YARS1: variants seen among roughly 807,000 people sequenced by gnomAD.
YARS1 encodes tyrosine--tRNA ligase, cytoplasmic.
In YARS1, 36 loss-of-function variants were observed where a neutral mutation model predicts 62.2. The observed-to-expected ratio is 0.58, with a 90% CI of 0.44 to 0.76. The LOEUF is 0.76. Among genes scored for constraint, YARS1 ranks in the 30% least tolerant of loss-of-function variants. YARS1 has a pLI of 0.00. For synonymous variants in YARS1, 234 were observed against 244.9 expected, an observed-to-expected ratio of 0.96 and a Z score of 0.42; for missense variants, 524 against 639.8, an observed-to-expected ratio of 0.82 and a Z score of 1.95.
At chr1:32,817,035 G>T in intron 1 of YARS1, 153 bp downstream of exon 1, 1 of 963,588 alleles carries the variant, frequency 1.0e-6, no homozygotes, top group South Asian at 1.3e-5. Context: ...TTGATTGACT[G>T]ACCGACCAGC....
At chr1:32,790,893 G>A (rs1392432632) in intron 6 of YARS1, 1 of 435,546 alleles carries the variant, frequency 2.3e-6, no homozygotes, top group African/African-American at 2.0e-5. Context: ...TAATAAGGCT[G>A]AATTTCATCA....
chr1:32,779,350 A>C (rs540944239), intron 12 of YARS1, 32 bp downstream of exon 12: 1 of 1,614,198 alleles, frequency 6.2e-7, no homozygotes, highest in East Asian at 2.2e-5. Context: ...CAGGCAGCCC[A>C]GCCAAGAAAG....
At chr1:32,810,534 C>T (rs954372616) in intron 3 of YARS1, 57 bp downstream of exon 3, 90 of 1,605,134 alleles carry the variant, frequency 5.6e-5, no homozygotes, top group Non-Finnish European at 7.3e-5. Context: ...ACTCCACAGG[C>T]CTGTAATTAG....
chr1:32,789,558 G>T (rs1355714216), intron 6 of YARS1, among the ~76,000 whole-genome samples: 1 of 151,030 alleles, frequency 6.6e-6, no homozygotes, highest in Non-Finnish European at 1.5e-5. Context: ...CAAACCTAAT[G>T]AATCAAAATC....
At chr1:32,791,440 C>T (rs1653409206) in intron 5 of YARS1, among the ~76,000 whole-genome samples, 186 bp from the exon 6 acceptor site, 1 of 152,150 alleles carries the variant, frequency 6.6e-6, no homozygotes, top group Non-Finnish European at 1.5e-5. Flanking sequence ...GCTTTTCTAT[C>T]AGTATTACAT....
At chr1:32,777,857 G>A (rs1235002922) in intron 12 of YARS1, among the ~76,000 whole-genome samples, 1 of 151,960 alleles carries the variant, frequency 6.6e-6, no homozygotes, top group Non-Finnish European at 1.5e-5. Context: ...ATCACTCCAA[G>A]CATAGCAAAA....
chr1:32,779,477 A>G lies in YARS1; in HGVS notation c.1381T>C (p.Ser461Pro), dbSNP rs764165024. The change falls in exon 12 of 13, where the codon TCT becomes CCT. Residue 461 changes from serine (S) to proline (P), a missense_variant. By Grantham distance (74) the Ser-to-Pro change is moderately conservative (BLOSUM62 -1). Coordinates refer to ENST00000373477, the MANE Select transcript of YARS1 (RefSeq NM_003680.4). ...QVEPLDPPAG[S>P]APGEHVFVKG... is the part of the protein sequence containing the mutation. The stretch of plus-strand genomic sequence containing the variant: ...ACAAACACGTGCTCACCAGGAGCAG[A>G]GCCTGCCGGAGGGTCCAGAGGTTCA... 1.2e-6 allele frequency: 2 copies of G among 1,614,210 alleles called. No individual in the cohort carries two copies. The highest frequency in any genetic ancestry group is 1.1e-5 in the South Asian group (1 of 91,080).
intron 5 of YARS1, among the ~76,000 whole-genome samples, chr1:32,796,477 T>G (rs1653587844): frequency 6.6e-6 from 1 of 151,882 alleles, no homozygotes; most frequent in Non-Finnish European, 1.5e-5. Flanking sequence ...CTCAAGCAAT[T>G]ATTCTGCCTC....
In YARS1 at chr1:32,779,655, G is replaced by C. The variant is rs1652989922; in HGVS notation, c.1335-132C>G. 3.4e-6 allele frequency: 4 copies of C among 1,186,340 alleles called. No homozygotes were observed. In the South Asian group the frequency reaches 5.2e-5, roughly 15 times the overall value. 73.5% of individuals were successfully genotyped at this position (1,186,340 alleles called of 1,614,324 possible). On this transcript the variant is annotated intron_variant, in intron 11 of 12. Transcript: ENST00000373477. ...GGCATCCTCAGTACCAGAGCCCCAG[G>C]AGGTCCTCTTATCTTGCTACATCCC...
intron 8 of YARS1, among the ~76,000 whole-genome samples, chr1:32,785,574 T>G (rs1653197988): frequency 6.6e-6 from 1 of 151,946 alleles, no homozygotes; most frequent in Non-Finnish European, 1.5e-5. Context: ...TCTTTTTCTT[T>G]TCTTTTCCTT....
At chr1:32,784,179 AT>A (rs774872672) in intron 8 of YARS1, among the ~76,000 whole-genome samples, 246 of 135,106 alleles carry the variant, frequency 1.8e-3, no homozygotes, top group Middle Eastern at 7.6e-3. Flanking sequence ...CAGTATTTTG[AT>A]TTTTTTTTTT....
intron 6 of YARS1, among the ~76,000 whole-genome samples, chr1:32,789,311 A>C (rs1653337495): frequency 6.6e-6 from 1 of 152,198 alleles, no homozygotes; most frequent in Admixed American, 6.6e-5. Flanking sequence ...CTAGGTTCAA[A>C]ATTGTTTTTT....
intron 5 of YARS1, among the ~76,000 whole-genome samples, chr1:32,791,695 G>A (rs944942725): frequency 5.3e-5 from 8 of 152,108 alleles, no homozygotes; most frequent in Non-Finnish European, 8.8e-5. Context: ...CCAGCTACTC[G>A]GGAGGCTGAG....
chr1:32,802,827 T>C (rs762267305), intron 4 of YARS1, among the ~76,000 whole-genome samples: 1 of 152,128 alleles, frequency 6.6e-6, no homozygotes, highest in Non-Finnish European at 1.5e-5. Context: ...CATAATTCTT[T>C]TTTGAGATGG....
chr1:32,805,708 T>C (rs942168429), intron 4 of YARS1, among the ~76,000 whole-genome samples: 2 of 152,090 alleles, frequency 1.3e-5, no homozygotes, highest in African/African-American at 4.8e-5. Flanking sequence ...ACGTCTATAA[T>C]CCCAGCACTG....
intron 5 of YARS1, among the ~76,000 whole-genome samples, chr1:32,794,477 C>A (rs1653510505): frequency 6.6e-6 from 1 of 152,168 alleles, no homozygotes; most frequent in African/African-American, 2.4e-5. Context: ...GCAATCTCTG[C>A]CTCCCAGGCT....
At chr1:32,790,514 A>AG in intron 6 of YARS1, 1 of 8,910 alleles carries the variant, frequency 1.1e-4, no homozygotes, top group Non-Finnish European at 3.8e-4. Flanking sequence ...ACTCCATCTC[A>AG]AAAAAAAAAA....
chr1:32,810,522 G>C, intron 3 of YARS1, 69 bp downstream of exon 3: 1 of 1,587,350 alleles, frequency 6.3e-7, no homozygotes, highest in Non-Finnish European at 8.6e-7. Context: ...AAGAATGCCT[G>C]GACTCCACAG....
intron 4 of YARS1, among the ~76,000 whole-genome samples, chr1:32,803,169 C>T (rs776679502): frequency 1.8e-4 from 27 of 151,036 alleles, no homozygotes; most frequent in Non-Finnish European, 2.7e-4. Context: ...TTAGTAGAGA[C>T]GGGGTTTTAC....
Sources: gnomAD v4.1 joint callset for allele counts (sites outside exome capture counted in the v4.1 genomes callset) on GRCh38, gnomAD v4.1.1 for gene constraint, MANE v1.5 for transcripts, NCBI Gene and HGNC (gene_info 2026-07-23, HGNC 2026-07-21) for gene names.